The following PAFAH1B2 variants were observed in gnomAD, a reference collection of about 807,000 sequenced individuals.
The protein encoded by PAFAH1B2 is platelet-activating factor acetylhydrolase IB subunit alpha2.
PAFAH1B2 carries 8 observed loss-of-function variants against 28.0 expected under a neutral mutation model. The observed-to-expected ratio is 0.29, with a 90% CI of 0.17 to 0.52. The LOEUF (loss-of-function observed/expected upper bound fraction) is 0.52. PAFAH1B2 is among the 20% of genes least tolerant of loss of function. The pLI is 0.97. For missense variants in PAFAH1B2, 190 were observed against 282.6 expected, an observed-to-expected ratio of 0.67 and a Z score of 2.35; for synonymous variants, 104 against 103.2, an observed-to-expected ratio of 1.01 and a Z score of -0.05.
intron 5 of PAFAH1B2, among the ~76,000 whole-genome samples, chr11:117,166,271 C>G (rs889021126): frequency 6.6e-6 from 1 of 152,130 alleles, no homozygotes; most frequent in African/African-American, 2.4e-5. Flanking sequence ...CTGCCTTATT[C>G]CAGAAAGGAT....
Position 117,160,006 on chromosome 11 carries a change from T to A in PAFAH1B2, c.154T>A (p.Leu52Ile). Residue 52 changes from leucine to isoleucine, a missense_variant, in exon 3 of 6, where the codon TTA becomes ATA. Coordinates refer to ENST00000527958, the MANE Select transcript of PAFAH1B2 (RefSeq NM_002572.4). ...GTTCGTGGGAGACTCCATGGTGCAGTTAATGCAGCAATATGAGGTAAAGGT... is the reference window on the plus strand; with the variant it reads ...GTTCGTGGGAGACTCCATGGTGCAGATAATGCAGCAATATGAGGTAAAGGT... ...VLFVGDSMVQ[L>I]MQQYEIWREL... is the part of the protein sequence containing the mutation. The A allele has an allele frequency of 6.2e-7, 1 of 1,612,962 alleles. No individual in the cohort carries two copies. Among genetic ancestry groups the A allele is most frequent in the Non-Finnish European group, 8.5e-7 (1 of 1,178,930 alleles).
chr11:117,177,435 A>T (rs1226937006), downstream of PAFAH1B2, among the ~76,000 whole-genome samples: 1 of 152,174 alleles, frequency 6.6e-6, no homozygotes, highest in African/African-American at 2.4e-5. Context: ...TATTTTTAAA[A>T]TTTGCCCTGC....
At chr11:117,159,722 C>G (rs1446272334) in intron 2 of PAFAH1B2, 1 of 487,148 alleles carries the variant, frequency 2.1e-6, no homozygotes, top group East Asian at 3.2e-5. Context: ...GTGAGAGAGC[C>G]AGACGCTGTC....
At chr11:117,155,155 G>T (rs1001230414) in intron 2 of PAFAH1B2, among the ~76,000 whole-genome samples, 1 of 151,932 alleles carries the variant, frequency 6.6e-6, no homozygotes, top group African/African-American at 2.4e-5. Context: ...AGGTTTCCCC[G>T]TGTTGGTCAA....
At chr11:117,145,406 C>T (rs745670964) in intron 1 of PAFAH1B2, among the ~76,000 whole-genome samples, 3 of 151,332 alleles carry the variant, frequency 2.0e-5, no homozygotes, top group Non-Finnish European at 4.4e-5. Flanking sequence ...CACCCTAGGA[C>T]CTCATTTTGT....
At chr11:117,149,356 T>A (rs1417519825) in intron 1 of PAFAH1B2, among the ~76,000 whole-genome samples, 1 of 151,452 alleles carries the variant, frequency 6.6e-6, no homozygotes, top group African/African-American at 2.4e-5. Context: ...GTGCTGAGAT[T>A]ATAAGTGTGA....
chr11:117,149,419 G>A (rs1375127445), intron 1 of PAFAH1B2, among the ~76,000 whole-genome samples: 11 of 78,012 alleles, frequency 1.4e-4, no homozygotes, highest in African/African-American at 4.0e-4. Flanking sequence ...TTTAAAAAAA[G>A]TTTTCTAATC....
In PAFAH1B2 at chr11:117,170,121, T is replaced by C. The variant is rs895408040; in HGVS notation, c.*2422T>C. ...TTTGCCAGATTTCTTTGCACTACTT[T>C]AGGTAAAAATAGTTAATCTATTTTT... is the stretch of plus-strand genomic sequence containing the variant. On this transcript the variant is annotated 3_prime_UTR_variant, in exon 6 of 6. Coordinates refer to ENST00000527958, the MANE Select transcript of PAFAH1B2 (RefSeq NM_002572.4). 14 of 1,054,414 alleles carry C rather than the reference T, an allele frequency of 1.3e-5. No homozygotes were observed. The African/African-American group carries it at 2.2e-4, about 16-fold the overall frequency. 65.3% of individuals were successfully genotyped at this position (1,054,414 alleles called of 1,614,324 possible).
intron 1 of PAFAH1B2, among the ~76,000 whole-genome samples, chr11:117,144,912 A>T (rs1267484985): frequency 6.6e-6 from 1 of 152,312 alleles, no homozygotes; most frequent in South Asian, 2.1e-4. Flanking sequence ...GTCTGGTCGG[A>T]GGCCAAAACC....
At chr11:117,171,634 G>A (rs745309763), downstream of PAFAH1B2, 8 of 1,344,302 alleles carry the variant, frequency 6.0e-6, no homozygotes, top group South Asian at 3.7e-5. Flanking sequence ...TAAAGCAGCC[G>A]CCTCCAAATA....
In PAFAH1B2 at chr11:117,144,298, TGCTGGTGCTGGGGCCGGAGGAGGGACGC is replaced by T. The variant is rs1490017174; in HGVS notation, c.-125_-98del. ...GGGGAACCGGAAGTGGAGGAGCTGC[TGCTGGTGCTGGGGCCGGAGGAGGGACGC>T]GCCGGAGCGGGACCGACGGGACCGA... On this transcript the variant is annotated 5_prime_UTR_variant, in exon 1 of 6. Coordinates refer to ENST00000527958, the MANE Select transcript of PAFAH1B2 (RefSeq NM_002572.4). 5.2e-6 allele frequency: 2 copies of T among 381,724 alleles called. No homozygotes were observed. The highest frequency in any genetic ancestry group is 5.6e-5 in the Admixed American group (2 of 35,768). 23.6% of individuals were successfully genotyped at this position (381,724 alleles called of 1,614,324 possible).
chr11:117,172,394 ATATATATATATTTTTTTTT>A (rs1956688436), downstream of PAFAH1B2, among the ~76,000 whole-genome samples: 2 of 2,148 alleles, frequency 9.3e-4, no homozygotes, highest in Non-Finnish European at 2.0e-3. Flanking sequence ...ATATATATAT[ATATATATATATTTTTTTTT>A]TTTTTTTTTT....
At chr11:117,157,546 T>C (rs892997533) in intron 2 of PAFAH1B2, among the ~76,000 whole-genome samples, 2 of 152,228 alleles carry the variant, frequency 1.3e-5, no homozygotes, top group Non-Finnish European at 2.9e-5. Flanking sequence ...TCATCTGCAT[T>C]GGTATTGTCA....
At position 117,157,287 on chromosome 11, in the gene PAFAH1B2, A is replaced by AATAT. The variant is rs34197273; in HGVS notation, c.82-2633_82-2630dup. On this transcript the variant is annotated intron_variant, in intron 2 of 5. Coordinates refer to ENST00000527958, the MANE Select transcript of PAFAH1B2 (RefSeq NM_002572.4). ...GTTTTCTTTTTTAAATAAATAAATG[A>AATAT]ATATATATATATATATAGTTTGTTT... Among the ~76,000 whole-genome samples the AATAT allele has an allele frequency of 4.0e-4, 59 of 148,866 alleles. 1 individual carries two copies. The highest frequency in any genetic ancestry group is 2.7e-3 in the East Asian group (14 of 5,118).
downstream of PAFAH1B2, chr11:117,175,727 T>G: frequency 8.9e-7 from 1 of 1,122,246 alleles, no homozygotes; most frequent in Middle Eastern, 3.0e-4. Flanking sequence ...GAAGTAGGAC[T>G]CTGGATGTGC....
At chr11:117,172,348 T>TATATATATATATATA (rs1956666878), downstream of PAFAH1B2, among the ~76,000 whole-genome samples, 1 of 91,234 alleles carries the variant, frequency 1.1e-5, no homozygotes, top group African/African-American at 4.0e-5. Flanking sequence ...CATTCTAGCT[T>TATATATATATATATA]TATATATATA....
At chr11:117,167,342 AG>A in intron 5 of PAFAH1B2, 78 bp from the exon 6 acceptor site, 1 of 1,369,098 alleles carries the variant, frequency 7.3e-7, no homozygotes, top group Non-Finnish European at 9.8e-7. Flanking sequence ...GAGATGTTCC[AG>A]GAATATCTGA....
chr11:117,146,621 G>C (rs560907825), intron 1 of PAFAH1B2, among the ~76,000 whole-genome samples: 35 of 152,244 alleles, frequency 2.3e-4, no homozygotes, highest in African/African-American at 8.2e-4. Flanking sequence ...TTGAGCCCAG[G>C]AGATCAAGGC....
In PAFAH1B2 at chr11:117,168,063, T is replaced by C; in HGVS notation, c.*364T>C. 9.4e-7 allele frequency: 1 copy of C among 1,059,364 alleles called. No homozygotes were observed. The highest frequency in any genetic ancestry group is 1.1e-6 in the Non-Finnish European group (1 of 874,834). 65.6% of individuals were successfully genotyped at this position (1,059,364 alleles called of 1,614,324 possible). A position where few individuals can be genotyped will look rare whatever the true frequency, so the allele number is the denominator to read the frequency against. ...CTTGGCCTTTCTGTGGATTATGTCA[T>C]ATATAATAATTATCAGAATCATTCT... is the stretch of plus-strand genomic sequence containing the variant. On this transcript the variant is annotated 3_prime_UTR_variant, in exon 6 of 6. Transcript: ENST00000527958.
Sources: allele counts gnomAD v4.1 joint callset (sites outside exome capture counted in the v4.1 genomes callset), GRCh38; gene constraint gnomAD v4.1.1; transcripts MANE v1.5; gene names NCBI Gene and HGNC (gene_info 2026-07-23, HGNC 2026-07-21).